COBL: variants seen among roughly 807,000 people sequenced by gnomAD.
COBL encodes cordon-bleu WH2 repeat protein.
In COBL, 51 loss-of-function variants were observed where a neutral mutation model predicts 98.8. The observed-to-expected ratio is 0.52, with a 90% CI of 0.41 to 0.65. COBL has a LOEUF of 0.65. COBL is among the 30% of genes least tolerant of loss of function. COBL has a pLI of 0.00. For missense variants in COBL, 1,617 were observed against 1,617.5 expected, an observed-to-expected ratio of 1.00 and a Z score of 0.01; for synonymous variants, 634 against 651.7, an observed-to-expected ratio of 0.97 and a Z score of 0.41.
chr7:51,108,958 C>CACACACACACACA (rs1562923478), intron 6 of COBL, among the ~76,000 whole-genome samples: 3,667 of 83,892 alleles, frequency 0.044, 96 homozygotes, highest in East Asian at 0.1. Flanking sequence ...ACACACACAC[C>CACACACACACACA]CCCTGCCCCA....
intron 5 of COBL, among the ~76,000 whole-genome samples, chr7:51,181,024 G>T (rs556491139): frequency 2.8e-4 from 43 of 152,286 alleles, no homozygotes; most frequent in Non-Finnish European, 4.9e-4. Context: ...TTTCTGACGT[G>T]ACTGAGGTTT....
intron 7 of COBL, among the ~76,000 whole-genome samples, chr7:51,075,766 T>C (rs73695274): frequency 0.013 from 1,990 of 152,302 alleles, 48 homozygotes; most frequent in African/African-American, 0.046. Flanking sequence ...AATAGGCTCA[T>C]AAGGTTTTTT....
chr7:51,158,344 T>A (rs1786403974), intron 5 of COBL, among the ~76,000 whole-genome samples: 1 of 152,140 alleles, frequency 6.6e-6, no homozygotes, highest in African/African-American at 2.4e-5. Context: ...TGGAGAAGAA[T>A]GGACCCAAAC....
chr7:51,132,711 G>A (rs727218), intron 6 of COBL, among the ~76,000 whole-genome samples: 11,870 of 152,176 alleles, frequency 0.078, 555 homozygotes, highest in Admixed American at 0.15. Context: ...TAGACTGTAC[G>A]GGAAGCAGAT....
intron 5 of COBL, among the ~76,000 whole-genome samples, chr7:51,158,900 A>G (rs1000354199): frequency 6.6e-6 from 1 of 151,726 alleles, no homozygotes. Context: ...GGGAAGGCAC[A>G]GCGCCGGGGA....
chr7:51,250,666 C>T (rs1373359004), intron 1 of COBL, among the ~76,000 whole-genome samples: 2 of 152,138 alleles, frequency 1.3e-5, no homozygotes, highest in Admixed American at 6.5e-5. Flanking sequence ...ACGAAGTTGT[C>T]CTTGAACCTT....
intron 1 of COBL, among the ~76,000 whole-genome samples, chr7:51,245,332 C>T (rs1439511283): frequency 6.6e-6 from 1 of 152,220 alleles, no homozygotes; most frequent in East Asian, 1.9e-4. Context: ...TTCATCTTCA[C>T]TTTCTCCTCA....
At chr7:51,181,250 C>T (rs963784669) in intron 5 of COBL, among the ~76,000 whole-genome samples, 1 of 152,158 alleles carries the variant, frequency 6.6e-6, no homozygotes, top group Non-Finnish European at 1.5e-5. Flanking sequence ...AATAAATACA[C>T]TTTTTATCCA....
chr7:51,199,412 C>A (rs556742837), intron 2 of COBL, among the ~76,000 whole-genome samples: 2 of 152,228 alleles, frequency 1.3e-5, no homozygotes, highest in South Asian at 2.1e-4. Context: ...ACATGGACCA[C>A]AAAGCATTAG....
At chr7:51,294,075 G>A (rs1184074285) in intron 1 of COBL, among the ~76,000 whole-genome samples, 1 of 152,144 alleles carries the variant, frequency 6.6e-6, no homozygotes, top group Non-Finnish European at 1.5e-5. Context: ...CAGATCACTT[G>A]AGGTCAGGAA....
chr7:51,154,012 G>A (rs866572018), intron 5 of COBL, among the ~76,000 whole-genome samples: 4 of 152,316 alleles, frequency 2.6e-5, no homozygotes, highest in Middle Eastern at 3.4e-3. Context: ...GCAGATGGCC[G>A]TGTTCATCGT....
At chr7:51,068,392 T>A (rs149960471) in intron 7 of COBL, among the ~76,000 whole-genome samples, 461 of 152,352 alleles carry the variant, frequency 3.0e-3, no homozygotes, top group Non-Finnish European at 5.0e-3. Context: ...TAACACTTAA[T>A]GTTCTCCTTT....
chr7:51,137,567 A>G (rs1344471600), intron 5 of COBL, among the ~76,000 whole-genome samples: 2 of 150,152 alleles, frequency 1.3e-5, no homozygotes, highest in Non-Finnish European at 3.0e-5. Context: ...ATTGGAAGAC[A>G]GAGTGAGATC....
chr7:51,063,292 G>T (rs1427181001), intron 7 of COBL, among the ~76,000 whole-genome samples: 1 of 151,906 alleles, frequency 6.6e-6, no homozygotes, highest in East Asian at 1.9e-4. Context: ...CCACCACCGC[G>T]CCCGGCTAAT....
At chr7:51,163,937 C>G (rs559255170) in intron 5 of COBL, among the ~76,000 whole-genome samples, 1 of 152,310 alleles carries the variant, frequency 6.6e-6, no homozygotes, top group East Asian at 1.9e-4. Flanking sequence ...CACCATAAAG[C>G]TAGCACTTTG....
chr7:51,310,860 C>T (rs893743584), intron 1 of COBL, among the ~76,000 whole-genome samples: 1 of 151,956 alleles, frequency 6.6e-6, no homozygotes, highest in Non-Finnish European at 1.5e-5. Flanking sequence ...GTTTCACCAT[C>T]TTGGCCAGGA....
intron 6 of COBL, among the ~76,000 whole-genome samples, chr7:51,110,823 T>A (rs1796754136): frequency 6.6e-6 from 1 of 152,248 alleles, no homozygotes; most frequent in African/African-American, 2.4e-5. Context: ...TCACTTACAA[T>A]CATAGTCTCC....
chr7:51,142,383 A>ATTTTTTTTTTTTTTTTTTTTTTTTT (rs10608547), intron 5 of COBL, among the ~76,000 whole-genome samples: 1 of 71,412 alleles, frequency 1.4e-5, no homozygotes, highest in African/African-American at 4.8e-5. Flanking sequence ...CTGGTATTTG[A>ATTTTTTTTTTTTTTTTTTTTTTTTT]TTTTTTTTTT....
At chr7:51,077,392 T>A (rs765629029) in intron 7 of COBL, among the ~76,000 whole-genome samples, 2 of 152,180 alleles carry the variant, frequency 1.3e-5, no homozygotes, top group Non-Finnish European at 2.9e-5. Context: ...ATGTGTGATA[T>A]TTATCAACTC....
Sources: allele counts gnomAD v4.1 joint callset (sites outside exome capture counted in the v4.1 genomes callset), GRCh38; gene constraint gnomAD v4.1.1; transcripts MANE v1.5; gene names NCBI Gene and HGNC (gene_info 2026-07-23, HGNC 2026-07-21).